Variants in CACNA2D1 observed in about 807,000 individuals in gnomAD.
CACNA2D1 encodes the protein calcium voltage-gated channel auxiliary subunit alpha2delta 1.
CACNA2D1 carries 53 observed loss-of-function variants against 171.5 expected under a neutral mutation model. The ratio of observed to expected loss-of-function variants is 0.31; its 90% confidence interval spans 0.25 to 0.39. CACNA2D1 has a LOEUF of 0.39. Among genes scored for constraint, CACNA2D1 ranks in the 10% least tolerant of loss-of-function variants. The pLI is 1.00. For missense variants in CACNA2D1, 903 were observed against 1,299.8 expected (o/e 0.69, Z 4.69); for synonymous variants, 442 against 443.1 (o/e 1.00, Z 0.03).
chr7:82,257,287 A>G (rs549110189), intron 3 of CACNA2D1, among the ~76,000 whole-genome samples: 1 of 152,336 alleles, frequency 6.6e-6, no homozygotes, highest in South Asian at 2.1e-4. Context: ...CTGGCACAGA[A>G]TACAAGACAG....
intron 3 of CACNA2D1, among the ~76,000 whole-genome samples, chr7:82,171,082 G>A (rs1335517477): frequency 6.6e-6 from 1 of 151,992 alleles, no homozygotes; most frequent in Non-Finnish European, 1.5e-5. Context: ...CACAAAAGCT[G>A]AAATAACTTC....
intron 1 of CACNA2D1, among the ~76,000 whole-genome samples, chr7:82,418,142 A>G (rs1290117788): frequency 1.3e-5 from 2 of 152,218 alleles, no homozygotes; most frequent in African/African-American, 2.4e-5. Flanking sequence ...CCTTCTTCAC[A>G]TGGCAGCAGG....
chr7:82,153,390 A>T, intron 4 of CACNA2D1, among the ~76,000 whole-genome samples: 1 of 151,990 alleles, frequency 6.6e-6, no homozygotes, highest in African/African-American at 2.4e-5. Context: ...TGATTAATAA[A>T]ATATTTTTTA....
At chr7:82,151,457 T>C (rs1178040450) in intron 4 of CACNA2D1, among the ~76,000 whole-genome samples, 3 of 152,112 alleles carry the variant, frequency 2.0e-5, no homozygotes, top group African/African-American at 7.2e-5. Context: ...TAGTCCATGG[T>C]TGCTAACAAA....
intron 1 of CACNA2D1, among the ~76,000 whole-genome samples, chr7:82,427,904 C>T (rs1201035475): frequency 7.2e-5 from 11 of 152,038 alleles, no homozygotes; most frequent in Admixed American, 7.2e-4. Context: ...GGCAGCAACC[C>T]AAGGCCAGAT....
At chr7:82,407,042 T>C (rs1483930022) in intron 1 of CACNA2D1, among the ~76,000 whole-genome samples, 2 of 152,202 alleles carry the variant, frequency 1.3e-5, no homozygotes, top group Non-Finnish European at 2.9e-5. Flanking sequence ...TAAAGAGGCC[T>C]TACTGGCAGA....
At chr7:82,182,773 C>T (rs1370807144) in intron 3 of CACNA2D1, among the ~76,000 whole-genome samples, 1 of 151,918 alleles carries the variant, frequency 6.6e-6, no homozygotes, top group East Asian at 1.9e-4. Context: ...CACGGTGGGT[C>T]CCACCTATAA....
chr7:82,005,603 G>A (rs1480679975), intron 17 of CACNA2D1, 106 bp from the exon 18 acceptor site: 2 of 870,374 alleles, frequency 2.3e-6, no homozygotes, highest in African/African-American at 3.4e-5. Context: ...ATAGCATGTT[G>A]AAAGATAACA....
At chr7:82,183,671 C>T (rs1367623717) in intron 3 of CACNA2D1, among the ~76,000 whole-genome samples, 2 of 151,926 alleles carry the variant, frequency 1.3e-5, no homozygotes, top group Non-Finnish European at 2.9e-5. Context: ...TTTTGCAAAA[C>T]AGAGTAGCGA....
chr7:82,063,527 C>G (rs1422540223), intron 9 of CACNA2D1, among the ~76,000 whole-genome samples: 1 of 151,312 alleles, frequency 6.6e-6, no homozygotes, highest in East Asian at 1.9e-4. Context: ...CCCCAAATTA[C>G]TAGATTTTGT....
chr7:82,063,556 GA>G (rs1807220599), intron 9 of CACNA2D1, among the ~76,000 whole-genome samples: 1 of 149,930 alleles, frequency 6.7e-6, no homozygotes. Context: ...ATGAGACAAA[GA>G]TTTTTTTTTT....
At chr7:82,190,338 C>G (rs543352234) in intron 3 of CACNA2D1, among the ~76,000 whole-genome samples, 1 of 151,802 alleles carries the variant, frequency 6.6e-6, no homozygotes, top group East Asian at 1.9e-4. Context: ...ATTGTATTAA[C>G]TATGAATAAA....
rs143230847 is a variant in CACNA2D1, at chr7:81,971,770, T to A, written c.2141+7A>T. ...ACATATTTTTATTAATAAGAACAAATACTTACATATTTTTCTGCTTACTCC... is the reference window on the plus strand; with the variant it reads ...ACATATTTTTATTAATAAGAACAAAAACTTACATATTTTTCTGCTTACTCC... On this transcript the variant is annotated splice_region_variant and intron_variant, in intron 26 of 38. Transcript: ENST00000356860. 1.0e-5 allele frequency: 15 copies of A among 1,483,928 alleles called. No individual in the cohort carries two copies. The East Asian group carries it at 3.4e-4, about 34-fold the overall frequency. 91.9% of individuals were successfully genotyped at this position (1,483,928 alleles called of 1,614,324 possible).
chr7:82,285,500 G>A (rs1810642878), intron 3 of CACNA2D1, among the ~76,000 whole-genome samples: 1 of 151,972 alleles, frequency 6.6e-6, no homozygotes, highest in African/African-American at 2.4e-5. Context: ...AATGAAGTAC[G>A]TAACTGTTAT....
chr7:81,993,530 C>T (rs1271169178), intron 20 of CACNA2D1, among the ~76,000 whole-genome samples: 1 of 152,232 alleles, frequency 6.6e-6, no homozygotes, highest in Admixed American at 6.5e-5. Context: ...AAACCCCTTA[C>T]ATAGACCATA....
intron 3 of CACNA2D1, among the ~76,000 whole-genome samples, chr7:82,332,828 C>T (rs1190334233): frequency 2.0e-5 from 3 of 152,078 alleles, no homozygotes; most frequent in Admixed American, 2.0e-4. Context: ...AGGGAGACCT[C>T]ATCTCTACAA....
At chr7:82,358,472 T>C (rs1820707518) in intron 1 of CACNA2D1, among the ~76,000 whole-genome samples, 1 of 152,194 alleles carries the variant, frequency 6.6e-6, no homozygotes, top group Admixed American at 6.5e-5. Flanking sequence ...TCAATAACAC[T>C]GCTGCTCTGT....
intron 7 of CACNA2D1, among the ~76,000 whole-genome samples, chr7:82,076,410 C>T (rs752767336): frequency 6.6e-6 from 1 of 152,008 alleles, no homozygotes; most frequent in Non-Finnish European, 1.5e-5. Context: ...ACTTTTCTCC[C>T]AAAATAAGAA....
intron 5 of CACNA2D1, among the ~76,000 whole-genome samples, 171 bp downstream of exon 5, chr7:82,136,464 A>ATTTT (rs1791619903): frequency 6.6e-6 from 1 of 151,988 alleles, no homozygotes; most frequent in Non-Finnish European, 1.5e-5. Flanking sequence ...GCCAAGAATA[A>ATTTT]GTTGTTAAAA....
Sources: gnomAD v4.1 joint callset for allele counts (sites outside exome capture counted in the v4.1 genomes callset) on GRCh38, gnomAD v4.1.1 for gene constraint, MANE v1.5 for transcripts, NCBI Gene and HGNC (gene_info 2026-07-23, HGNC 2026-07-21) for gene names.